VEGFD: variants seen among roughly 807,000 people sequenced by gnomAD.
VEGFD encodes the protein vascular endothelial growth factor D.
Under a neutral mutation model 28.0 loss-of-function variants are expected in VEGFD, and 26 were observed. The observed-to-expected ratio is 0.93, with a 90% CI of 0.68 to 1.29. The LOEUF (loss-of-function observed/expected upper bound fraction) is 1.29, where lower values mean the gene tolerates loss of function less well. VEGFD is among the 50% of genes most tolerant of loss of function. The pLI is 0.00. For missense variants in VEGFD, 294 were observed against 273.4 expected (o/e 1.08, Z -0.53); for synonymous variants, 93 against 95.5 (o/e 0.97, Z 0.15).
chrX:15,351,182 C>T (rs1396800460), intron 5 of VEGFD, among the ~76,000 whole-genome samples: 4 of 92,723 alleles, frequency 4.3e-5, no homozygotes, highest in Non-Finnish European at 8.6e-5. Context: ...GTGGCGGGAT[C>T]TCGGCTCACT....
intron 1 of VEGFD, among the ~76,000 whole-genome samples, chrX:15,364,800 A>G (rs1340317230): frequency 1.8e-5 from 2 of 112,251 alleles, no homozygotes; most frequent in Admixed American, 9.4e-5. Context: ...AAAGATGAGC[A>G]AAAGGGGCTG....
intron 5 of VEGFD, among the ~76,000 whole-genome samples, chrX:15,352,665 T>C (rs915287610): frequency 2.7e-5 from 3 of 112,453 alleles, no homozygotes; most frequent in Admixed American, 9.4e-5. Context: ...GACTAGTATT[T>C]AGTTCTGAAG....
At chrX:15,350,761 TTTCTTTTC>T (rs1469954697) in intron 5 of VEGFD, among the ~76,000 whole-genome samples, 125 of 100,002 alleles carry the variant, frequency 1.2e-3, no homozygotes, top group African/African-American at 4.6e-3. Flanking sequence ...TTTCTTTTTC[TTTCTTTTC>T]TTTCTTTCTT....
chrX:15,354,930 C>T (rs1055348187), intron 4 of VEGFD, among the ~76,000 whole-genome samples: 1 of 111,735 alleles, frequency 8.9e-6, no homozygotes, highest in Non-Finnish European at 1.9e-5. Flanking sequence ...ATGACAAGCT[C>T]ATACCACTGA....
intron 1 of VEGFD, among the ~76,000 whole-genome samples, chrX:15,366,164 G>A (rs950653162): frequency 1.8e-5 from 2 of 110,306 alleles, no homozygotes; most frequent in African/African-American, 3.3e-5. Context: ...CCACCACCAC[G>A]CCCGGCTAAT....
intron 5 of VEGFD, among the ~76,000 whole-genome samples, chrX:15,349,878 T>C (rs1271760267): frequency 3.6e-5 from 4 of 111,371 alleles, no homozygotes; most frequent in African/African-American, 9.8e-5. Flanking sequence ...GAAATGAATG[T>C]GAACTTGATC....
intron 2 of VEGFD, among the ~76,000 whole-genome samples, chrX:15,359,641 G>T (rs1015601225): frequency 1.8e-5 from 2 of 110,526 alleles, no homozygotes; most frequent in East Asian, 5.7e-4. Context: ...GAGAACATGC[G>T]GTGTTTGGTT....
chrX:15,363,067 C>G (rs377015964), intron 2 of VEGFD, 42 bp downstream of exon 2: 5 of 1,145,167 alleles, frequency 4.4e-6, no homozygotes, highest in East Asian at 6.0e-5. Flanking sequence ...TTGTCACTAT[C>G]TAATAAAGAG....
chrX:15,365,293 C>T (rs973279330), intron 1 of VEGFD, among the ~76,000 whole-genome samples: 4 of 111,205 alleles, frequency 3.6e-5, no homozygotes, highest in Admixed American at 1.9e-4. Flanking sequence ...CCACCATGCC[C>T]GGCTAATTTT....
chrX:15,375,152 A>T (rs1020864561), intron 1 of VEGFD, among the ~76,000 whole-genome samples: 7 of 111,800 alleles, frequency 6.3e-5, no homozygotes, highest in Admixed American at 9.6e-5. Context: ...ACATTAAAAA[A>T]TTTTTTAAAA....
chrX:15,383,096 C>G (rs1052541369), intron 1 of VEGFD, among the ~76,000 whole-genome samples: 35 of 111,485 alleles, frequency 3.1e-4, no homozygotes, highest in African/African-American at 1.0e-3. Context: ...GCCAGAAGTT[C>G]CTAAATCAAT....
chrX:15,362,179 T>G (rs1923030920), intron 2 of VEGFD, among the ~76,000 whole-genome samples: 1 of 111,877 alleles, frequency 8.9e-6, no homozygotes, highest in Non-Finnish European at 1.9e-5. Context: ...GATTTTCTTT[T>G]AAAGAATCTT....
In VEGFD at chrX:15,355,237, T is replaced by C. The variant is rs1020187289; in HGVS notation, c.554A>G (p.Asn185Ser). The change falls in exon 4 of 7, where the codon AAT becomes AGT. Residue 185 changes from asparagine to serine, a missense_variant. Physicochemically the swap from Asn to Ser is conservative, Grantham distance 46. Coordinates refer to ENST00000297904, the MANE Select transcript of VEGFD (RefSeq NM_004469.5). ...TGGCAAGCACTTACAACCTGTATGA[T>C]TGGCAACTTTAACAGGCACTAATTC... ...VPELVPVKVA[N>S]HTGCKCLPTA... The C allele has an allele frequency of 3.3e-6, 4 of 1,205,185 alleles. No individual in the cohort carries two copies. Among genetic ancestry groups the C allele is most frequent in the Middle Eastern group, 2.3e-4 (1 of 4,339 alleles).
At chrX:15,355,096 G>A in intron 4 of VEGFD, 54 bp downstream of exon 4, 2 of 1,043,648 alleles carry the variant, frequency 1.9e-6, no homozygotes, top group Non-Finnish European at 2.5e-6. Flanking sequence ...ACACAGTTTT[G>A]GCAAGGCAAA....
At chrX:15,356,858 G>C (rs1251027723) in intron 3 of VEGFD, among the ~76,000 whole-genome samples, 2 of 111,893 alleles carry the variant, frequency 1.8e-5, no homozygotes, top group Non-Finnish European at 3.8e-5. Context: ...GGATATTTTA[G>C]AGGGTGGAGG....
intron 1 of VEGFD, among the ~76,000 whole-genome samples, chrX:15,365,137 CTTTA>C (rs1274727340): frequency 8.9e-6 from 1 of 111,766 alleles, no homozygotes; most frequent in Non-Finnish European, 1.9e-5. Context: ...AAAGGTTATT[CTTTA>C]TTTATTTTCG....
intron 3 of VEGFD, among the ~76,000 whole-genome samples, chrX:15,356,483 T>C (rs574704226): frequency 1.4e-4 from 16 of 112,480 alleles, no homozygotes; most frequent in African/African-American, 4.8e-4. Context: ...AATCATTTGT[T>C]GAGTACAGCA....
intron 1 of VEGFD, among the ~76,000 whole-genome samples, chrX:15,379,335 C>T (rs1337178032): frequency 9.0e-6 from 1 of 111,460 alleles, no homozygotes; most frequent in African/African-American, 3.3e-5. Flanking sequence ...CCAATAAATA[C>T]CTGTTGAAAA....
At chrX:15,374,448 A>T (rs1394167574) in intron 1 of VEGFD, among the ~76,000 whole-genome samples, 1 of 112,249 alleles carries the variant, frequency 8.9e-6, no homozygotes, top group Non-Finnish European at 1.9e-5. Flanking sequence ...GCCAATCTCA[A>T]ACTGCTACAT....
Sources: gnomAD v4.1 joint callset for allele counts (sites outside exome capture counted in the v4.1 genomes callset) on GRCh38, gnomAD v4.1.1 for gene constraint, MANE v1.5 for transcripts, NCBI Gene and HGNC (gene_info 2026-07-23, HGNC 2026-07-21) for gene names.